EHF: variants seen among roughly 807,000 people sequenced by gnomAD.
EHF encodes ESE3 transcription factor.
EHF carries 14 observed loss-of-function variants against 45.1 expected under a neutral mutation model. The observed-to-expected ratio is 0.31, with a 90% CI of 0.21 to 0.49. The LOEUF (loss-of-function observed/expected upper bound fraction) is 0.49, where lower values mean the gene tolerates loss of function less well. Ranked by LOEUF, EHF falls within the 20% of genes least tolerant of loss-of-function variation. The probability of loss-of-function intolerance (pLI) is 0.99; values close to 1 mark genes in which losing one functional copy is unlikely to be tolerated. For synonymous variants in EHF, 136 were observed against 131.8 expected (o/e 1.03, Z -0.22); for missense variants, 282 against 371.4 (o/e 0.76, Z 1.98).
chr11:34,660,466 G>C lies in EHF; in HGVS notation c.*1535G>C, dbSNP rs1856014246. ...TTGTTTTGTTTTGTCTTTTAAGAAA[G>C]GAAAGAAAGGATGAAAAAAATAAAC... On this transcript the variant is annotated 3_prime_UTR_variant, in exon 9 of 9. Coordinates refer to ENST00000257831, the MANE Select transcript of EHF (RefSeq NM_012153.6). The C allele has an allele frequency of 6.6e-6, 1 of 151,978 alleles. No individual in the cohort carries two copies. Among genetic ancestry groups the C allele is most frequent in the South Asian group, 2.1e-4 (1 of 4,816 alleles). 9.4% of individuals were successfully genotyped at this position (151,978 alleles called of 1,614,324 possible). A position where few individuals can be genotyped will look rare whatever the true frequency, so the allele number is the denominator to read the frequency against.
chr11:34,629,841 C>T (rs201195521), intron 1 of EHF, among the ~76,000 whole-genome samples: 1 of 136,300 alleles, frequency 7.3e-6, no homozygotes, highest in East Asian at 2.2e-4. Flanking sequence ...AGCCATAATT[C>T]ACCCTTCATT....
intron 1 of EHF, 60 bp from the exon 2 acceptor site, chr11:34,642,568 C>T: frequency 4.6e-6 from 5 of 1,093,980 alleles, no homozygotes; most frequent in South Asian, 1.3e-5. Context: ...GTGATCTGCA[C>T]TTTCCAATGA....
chr11:34,622,494 G>A, intron 1 of EHF: 1 of 806,114 alleles, frequency 1.2e-6, no homozygotes, highest in Non-Finnish European at 1.7e-6. Flanking sequence ...AATTCCACTG[G>A]GGTCAGGGGA....
intron 6 of EHF, among the ~76,000 whole-genome samples, chr11:34,652,918 T>C (rs1267598959): frequency 6.6e-6 from 1 of 152,222 alleles, no homozygotes; most frequent in African/African-American, 2.4e-5. Flanking sequence ...CCAGTGGTCC[T>C]TAGCATTATG....
chr11:34,651,944 C>G, intron 6 of EHF, 139 bp downstream of exon 6: 2 of 827,236 alleles, frequency 2.4e-6, no homozygotes, highest in Non-Finnish European at 3.6e-6. Context: ...TACCATTAGA[C>G]GAGGTTTGCT....
At chr11:34,657,388 C>T (rs1017248524) in intron 7 of EHF, among the ~76,000 whole-genome samples, 2 of 152,200 alleles carry the variant, frequency 1.3e-5, no homozygotes, top group Non-Finnish European at 2.9e-5. Flanking sequence ...CAAGAAATGA[C>T]TGTTTTTTCT....
At chr11:34,650,926 C>G (rs2134177631) in intron 4 of EHF, among the ~76,000 whole-genome samples, 1 of 152,288 alleles carries the variant, frequency 6.6e-6, no homozygotes, top group Non-Finnish European at 1.5e-5. Context: ...TTTAGTAACA[C>G]AGTCCACCCC....
chr11:34,650,833 AAG>A (rs1488905359), intron 4 of EHF, among the ~76,000 whole-genome samples: 1 of 152,162 alleles, frequency 6.6e-6, no homozygotes, highest in Non-Finnish European at 1.5e-5. Context: ...ACACAGAAGA[AAG>A]AGAAAGAGAG....
chr11:34,640,565 C>G (rs1198276936), intron 1 of EHF, among the ~76,000 whole-genome samples: 1 of 152,208 alleles, frequency 6.6e-6, no homozygotes, highest in Non-Finnish European at 1.5e-5. Flanking sequence ...CCACCAGCCA[C>G]CCGGTCTGGG....
intron 6 of EHF, among the ~76,000 whole-genome samples, chr11:34,653,400 C>A (rs184212542): frequency 8.7e-4 from 133 of 152,296 alleles, no homozygotes; most frequent in African/African-American, 3.1e-3. Flanking sequence ...TCAATAGGGG[C>A]CTTAGAGGCC....
chr11:34,651,704 C>A (rs1355199254), intron 5 of EHF, 33 bp from the exon 6 acceptor site: 1 of 1,612,600 alleles, frequency 6.2e-7, no homozygotes, highest in Admixed American at 1.7e-5. Flanking sequence ...GGAGGGGGTG[C>A]TCTAAATGTC....
rs1855925146 is a variant in EHF at position 34,659,131 on chromosome 11, A to G, written c.*200A>G. ...TTTGTTACTTCGAAGTATGTCCTAT[A>G]TGGGGAAAAAACGTACACAGTTTTC... On this transcript the variant is annotated 3_prime_UTR_variant, in exon 9 of 9. Transcript: ENST00000257831. 2.1e-6 allele frequency: 1 copy of G among 474,834 alleles called. No homozygotes were observed. Among genetic ancestry groups the G allele is most frequent in the Non-Finnish European group, 3.7e-6 (1 of 270,192 alleles). The allele number at this position is 474,834 out of a possible 1,614,324, so 29.4% of individuals were successfully genotyped here.
intron 1 of EHF, among the ~76,000 whole-genome samples, chr11:34,635,285 A>G (rs141231834): frequency 5.0e-4 from 76 of 152,076 alleles, no homozygotes; most frequent in African/African-American, 1.8e-3. Flanking sequence ...CTGTATATTT[A>G]AGAAGGGAGG....
At chr11:34,648,344 C>A (rs575298310) in intron 3 of EHF, among the ~76,000 whole-genome samples, 2 of 142,714 alleles carry the variant, frequency 1.4e-5, no homozygotes, top group South Asian at 2.1e-4. Flanking sequence ...TATGCATTTA[C>A]AAATATATAT....
rs1257568170 is a variant in EHF, at chr11:34,625,156, T to C, written c.-4+3928T>C. Among the ~76,000 whole-genome samples the C allele has an allele frequency of 3.3e-5, 5 of 152,262 alleles. No homozygotes were observed. In the East Asian group the frequency reaches 9.6e-4, roughly 29 times the overall value. Reference sequence around the variant, plus strand: ...GCCCTTAAATGGATTCTTTAGGGCCTTCAGAATTTTGGCTAAAGGCTATAC... The same window carrying C: ...GCCCTTAAATGGATTCTTTAGGGCCCTCAGAATTTTGGCTAAAGGCTATAC... On this transcript the variant is annotated intron_variant, in intron 1 of 8. Transcript: ENST00000257831.
chr11:34,625,305 T>C (rs1390380833), intron 1 of EHF, among the ~76,000 whole-genome samples: 1 of 152,064 alleles, frequency 6.6e-6, no homozygotes, highest in Non-Finnish European at 1.5e-5. Flanking sequence ...AATGTAGAAG[T>C]GGATGAAACA....
Position 34,646,493 on chromosome 11 carries a change from C to G in EHF, c.152C>G (p.Thr51Ser), listed in dbSNP as rs1161287386. The change falls in exon 3 of 9, where the codon ACC becomes AGC. Residue 51 changes from threonine (T) to serine (S), a missense_variant. By Grantham distance (58) the Thr-to-Ser change is moderately conservative. Coordinates refer to ENST00000257831, the MANE Select transcript of EHF (RefSeq NM_012153.6). The part of the protein sequence containing the change: ...QWHEIHPQYW[T>S]KYQVWEWLQH... ...CATGAAATTCATCCTCAGTACTGGA[C>G]CAAGTACCAGGTGTGGGAGTGGCTC... The G allele has an allele frequency of 1.2e-6, 2 of 1,614,040 alleles. No homozygotes were observed. The highest frequency in any genetic ancestry group is 1.7e-6 in the Non-Finnish European group (2 of 1,179,974).
intron 1 of EHF, 184 bp from the exon 2 acceptor site, chr11:34,642,444 C>G (rs534237281): frequency 1.9e-6 from 1 of 517,600 alleles, no homozygotes; most frequent in East Asian, 3.1e-5. Flanking sequence ...GAAAATTGAA[C>G]CTGGAAATTT....
At chr11:34,652,346 C>T (rs1419862723) in intron 6 of EHF, among the ~76,000 whole-genome samples, 1 of 152,314 alleles carries the variant, frequency 6.6e-6, no homozygotes, top group South Asian at 2.1e-4. Context: ...TCTAATCAGT[C>T]AGAGCACCTG....
Sources: allele counts gnomAD v4.1 joint callset (sites outside exome capture counted in the v4.1 genomes callset), GRCh38; gene constraint gnomAD v4.1.1; transcripts MANE v1.5; gene names NCBI Gene and HGNC (gene_info 2026-07-23, HGNC 2026-07-21).